INMT: variants seen among roughly 807,000 people sequenced by gnomAD.
The protein encoded by INMT is indolethylamine N-methyltransferase, also known as amine N-methyltransferase.
In INMT, 11 loss-of-function variants were observed where a neutral mutation model predicts 11.5. The observed-to-expected ratio is 0.95, with a 90% CI of 0.60 to 1.58. The LOEUF (loss-of-function observed/expected upper bound fraction) is 1.58. Ranked by LOEUF, INMT falls within the 40% of genes most tolerant of loss-of-function variation. The pLI, the probability that INMT is intolerant of heterozygous loss-of-function variation, is 0.00. For missense variants in INMT, 316 were observed against 336.1 expected (o/e 0.94, Z 0.47); for synonymous variants, 155 against 142.9 (o/e 1.08, Z -0.60).
At position 30,754,773 on chromosome 7, in the gene INMT, A is replaced by T. The variant is rs1427536473; in HGVS notation, c.363-649A>T. Reference sequence around the variant, plus strand: ...TGTGTGACTGACTATATAATGTATAATGACGTGAACTCACCACCCAACCTG... The same window carrying T: ...TGTGTGACTGACTATATAATGTATATTGACGTGAACTCACCACCCAACCTG... On this transcript the variant is annotated intron_variant, in intron 2 of 2. Coordinates refer to ENST00000013222, the MANE Select transcript of INMT (RefSeq NM_006774.5). The surrounding 1 kb of genome is among the most constrained non-coding windows in gnomAD (Gnocchi z 4.9). Among the ~76,000 whole-genome samples, 1 of 152,186 alleles carries T rather than the reference A, an allele frequency of 6.6e-6. No individual in the cohort carries two copies. Among genetic ancestry groups the T allele is most frequent in the East Asian group, 1.9e-4 (1 of 5,198 alleles).
chr7:30,757,399 G>A lies in INMT; in HGVS notation c.*1548G>A. The A allele has an allele frequency of 4.0e-6, 1 of 247,936 alleles. No individual in the cohort carries two copies. 15.4% of individuals were successfully genotyped at this position (247,936 alleles called of 1,614,324 possible). On this transcript the variant is annotated 3_prime_UTR_variant, in exon 3 of 3. Coordinates refer to ENST00000013222, the MANE Select transcript of INMT (RefSeq NM_006774.5). Reference sequence around the variant, plus strand: ...AGCTGTCCGTTTTGCAGATGGACAGGAAGGAGCCAGGACACAGCTCAGCTT... The same window carrying A: ...AGCTGTCCGTTTTGCAGATGGACAGAAAGGAGCCAGGACACAGCTCAGCTT...
At chr7:30,755,354 T>C in intron 2 of INMT, 68 bp from the exon 3 acceptor site, 1 of 1,373,242 alleles carries the variant, frequency 7.3e-7, no homozygotes, top group Non-Finnish European at 9.8e-7. Context: ...CATCTGCTGG[T>C]CACAGTGGAC....
Position 30,755,924 on chromosome 7 carries a change from A to G in INMT, c.*73A>G. On this transcript the variant is annotated 3_prime_UTR_variant, in exon 3 of 3. Coordinates refer to ENST00000013222, the MANE Select transcript of INMT (RefSeq NM_006774.5). ...ATCTGTATGCTAGAGAGGGGTGAGG[A>G]ATGGATACTGTCTAACAGTCTCTGA... 5 of 1,521,804 alleles carry G rather than the reference A, an allele frequency of 3.3e-6. No individual in the cohort carries two copies. The highest frequency in any genetic ancestry group is 1.8e-6 in the Non-Finnish European group (2 of 1,140,132). The allele number at this position is 1,521,804 out of a possible 1,614,324, so 94.3% of individuals were successfully genotyped here.
In INMT at chr7:30,754,044, A is replaced by C. The variant is rs1786162599; in HGVS notation, c.362+106A>C. On this transcript the variant is annotated intron_variant, in intron 2 of 2. Coordinates refer to ENST00000013222, the MANE Select transcript of INMT (RefSeq NM_006774.5). This position sits in a 1 kb window ranked among gnomAD's most constrained non-coding sequence, Gnocchi z 4.9. ...ACATTTTCAGGACAGTAGGACCTTC[A>C]GGTATAGGACCAGATGTCCTGTGGT... 2.6e-6 allele frequency: 3 copies of C among 1,135,996 alleles called. No individual in the cohort carries two copies. In the Admixed American group the frequency reaches 6.4e-5, roughly 24 times the overall value. 70.4% of individuals were successfully genotyped at this position (1,135,996 alleles called of 1,614,324 possible). A position where few individuals can be genotyped will look rare whatever the true frequency, so the allele number is the denominator to read the frequency against.
In INMT at chr7:30,754,581, A is replaced by G. The variant is rs887887153; in HGVS notation, c.362+643A>G. On this transcript the variant is annotated intron_variant, in intron 2 of 2. Coordinates refer to ENST00000013222, the MANE Select transcript of INMT (RefSeq NM_006774.5). This position sits in a 1 kb window ranked among gnomAD's most constrained non-coding sequence, Gnocchi z 4.9. ...CATCTATCCATCCATCCACCCATCC[A>G]TCCATATCCATCTATACATCCATCA... 1.3e-5 allele frequency among the ~76,000 whole-genome samples: 2 copies of G among 149,710 alleles called. No homozygotes were observed. Among genetic ancestry groups the G allele is most frequent in the Admixed American group, 1.3e-4 (2 of 15,078 alleles).
chr7:30,755,636 C>A lies in INMT; in HGVS notation c.577C>A (p.Leu193Met). Residue 193 changes from leucine (L) to methionine (M), a missense_variant, in exon 3 of 3, where the codon CTG (leucine) becomes ATG (methionine). Transcript: ENST00000013222. ...LASLLKPGGHLVTTVTLRLPS... is the reference protein window; with the variant it reads ...LASLLKPGGHMVTTVTLRLPS... ...CTCACTGCTCAAGCCGGGTGGCCAC[C>A]TGGTGACCACTGTCACGCTTCGGCT... The A allele has an allele frequency of 1.2e-6, 2 of 1,614,226 alleles. No individual in the cohort carries two copies. Among genetic ancestry groups the A allele is most frequent in the Non-Finnish European group, 1.7e-6 (2 of 1,180,038 alleles).
Position 30,757,404 on chromosome 7 carries a change from A to G in INMT, c.*1553A>G, listed in dbSNP as rs35773690. Reference sequence around the variant, plus strand: ...TCCGTTTTGCAGATGGACAGGAAGGAGCCAGGACACAGCTCAGCTTGCTCA... The same window carrying G: ...TCCGTTTTGCAGATGGACAGGAAGGGGCCAGGACACAGCTCAGCTTGCTCA... On this transcript the variant is annotated 3_prime_UTR_variant, in exon 3 of 3. Coordinates refer to ENST00000013222, the MANE Select transcript of INMT (RefSeq NM_006774.5). 1 of 245,116 alleles carries G rather than the reference A, an allele frequency of 4.1e-6. No individual in the cohort carries two copies. Among genetic ancestry groups the G allele is most frequent in the East Asian group, 1.5e-4 (1 of 6,580 alleles). The allele number at this position is 245,116 out of a possible 1,614,324, so 15.2% of individuals were successfully genotyped here. A position where few individuals can be genotyped will look rare whatever the true frequency, so the allele number is the denominator to read the frequency against.
intron 1 of INMT, 104 bp downstream of exon 1, chr7:30,752,408 T>G: frequency 3.1e-5 from 28 of 917,976 alleles, no homozygotes; most frequent in African/African-American, 3.3e-5. Context: ...TAGGGGTTTT[T>G]GGGGATGGGC....
Position 30,752,156 on chromosome 7 carries a change from G to A in INMT, c.6G>A (p.Lys2=). The A allele has an allele frequency of 3.7e-6, 6 of 1,613,966 alleles. No individual in the cohort carries two copies. The highest frequency in any genetic ancestry group is 5.1e-6 in the Non-Finnish European group (6 of 1,179,898). M[K]GGFTGGDEYQ... is the part of the protein sequence containing the mutation. ...GGGCACATTTCAGGGACACCATGAA[G>A]GGTGGCTTCACTGGGGGTGATGAGT... Residue 2 remains lysine (K), a synonymous_variant, in exon 1 of 3, where the codon AAG becomes AAA. Coordinates refer to ENST00000013222, the MANE Select transcript of INMT (RefSeq NM_006774.5).
At position 30,756,657 on chromosome 7, in the gene INMT, T is replaced by A. The variant is rs7787251; in HGVS notation, c.*806T>A. On this transcript the variant is annotated 3_prime_UTR_variant, in exon 3 of 3. Coordinates refer to ENST00000013222, the MANE Select transcript of INMT (RefSeq NM_006774.5). ...TCCTGACCTGGTGATCCACCCACCT[T>A]GGCCTCCCAAAGTGCTGGGATTACA... 3 of 152,114 alleles carry A rather than the reference T, an allele frequency of 2.0e-5. No individual in the cohort carries two copies. The South Asian group carries it at 6.2e-4, about 32-fold the overall frequency. 9.4% of individuals were successfully genotyped at this position (152,114 alleles called of 1,614,324 possible). A position where few individuals can be genotyped will look rare whatever the true frequency, so the allele number is the denominator to read the frequency against.
rs199553396 is a variant in INMT at position 30,753,750 on chromosome 7, G to A, written c.174G>A (p.Thr58=). ...CCACAGGAGGCCTCCAAGGGGACAC[G>A]CTGATTGACATTGGCTCAGGTCCTA... ...TFGPGGLQGD[T]LIDIGSGPTI... Residue 58 remains threonine (T), a synonymous_variant, in exon 2 of 3, where the codon ACG becomes ACA. Transcript: ENST00000013222. The A allele has an allele frequency of 5.6e-5, 91 of 1,613,994 alleles. No individual in the cohort carries two copies. Among genetic ancestry groups the A allele is most frequent in the South Asian group, 2.0e-4 (18 of 91,078 alleles).
In INMT at chr7:30,755,482, C is replaced by T. The variant is rs954809950; in HGVS notation, c.423C>T (p.Cys141=). Residue 141 remains cysteine, a synonymous_variant, in exon 3 of 3, where the codon TGC becomes TGT. Coordinates refer to ENST00000013222, the MANE Select transcript of INMT (RefSeq NM_006774.5). ...CAGCGGTGAAGCGGGTGCTCAAGTG[C>T]GATGTCCACCTGGGCAACCCGCTGG... ...LRAAVKRVLK[C]DVHLGNPLAP... is the part of the protein sequence containing the mutation. The T allele has an allele frequency of 1.9e-6, 3 of 1,602,484 alleles. No individual in the cohort carries two copies. The highest frequency in any genetic ancestry group is 1.3e-5 in the African/African-American group (1 of 75,050).
chr7:30,755,680 G>A lies in INMT; in HGVS notation c.621G>A (p.Gly207=). The A allele has an allele frequency of 1.2e-6, 2 of 1,614,246 alleles. No homozygotes were observed. Among genetic ancestry groups the A allele is most frequent in the Non-Finnish European group, 1.7e-6 (2 of 1,180,030 alleles). ...VTLRLPSYMV[G]KREFSCVALE... The stretch of plus-strand genomic sequence containing the variant: ...TTCGGCTCCCGTCCTACATGGTGGG[G>A]AAGCGTGAATTTTCCTGCGTGGCCC... The change falls in exon 3 of 3, where the codon GGG becomes GGA. Residue 207 remains glycine (G), a synonymous_variant. Coordinates refer to ENST00000013222, the MANE Select transcript of INMT (RefSeq NM_006774.5).
rs578187274 is a variant in INMT, at chr7:30,756,321, T to C, written c.*470T>C. The stretch of plus-strand genomic sequence containing the variant: ...CACGATCTCGGCTCACTGCAAGCTC[T>C]GCGTCCTGGGTTGACGCCATTCTCC... On this transcript the variant is annotated 3_prime_UTR_variant, in exon 3 of 3. Coordinates refer to ENST00000013222, the MANE Select transcript of INMT (RefSeq NM_006774.5). 679 of 681,386 alleles carry C rather than the reference T, an allele frequency of 1.0e-3. 4 individuals are homozygous for C. In the African/African-American group the frequency reaches 0.013, roughly 13 times the overall value. 42.2% of individuals were successfully genotyped at this position (681,386 alleles called of 1,614,324 possible). A position where few individuals can be genotyped will look rare whatever the true frequency, so the allele number is the denominator to read the frequency against.
In INMT at chr7:30,756,041, C is replaced by A. The variant is rs1786234382; in HGVS notation, c.*190C>A. ...TTTCCAACATTCCTCATTCTAGGAT[C>A]CTAGGAGTGGAATTTTCCATTTTCT... On this transcript the variant is annotated 3_prime_UTR_variant, in exon 3 of 3. Transcript: ENST00000013222. The A allele has an allele frequency of 7.1e-7, 1 of 1,406,042 alleles. No individual in the cohort carries two copies. Among genetic ancestry groups the A allele is most frequent in the Admixed American group, 2.9e-5 (1 of 34,132 alleles). The allele number at this position is 1,406,042 out of a possible 1,614,324, so 87.1% of individuals were successfully genotyped here.
rs1786164712 is a variant in INMT at position 30,754,162 on chromosome 7, TCAAGTATG to T, written c.362+225_362+232del. On this transcript the variant is annotated intron_variant, in intron 2 of 2. Coordinates refer to ENST00000013222, the MANE Select transcript of INMT (RefSeq NM_006774.5). The surrounding 1 kb of genome is among the most constrained non-coding windows in gnomAD (Gnocchi z 4.9). ...AGGACTATGTTGAGGTGTGATATAG[TCAAGTATG>T]AACACTGAAAACCAGATGATTTTCA... 6.6e-6 allele frequency among the ~76,000 whole-genome samples: 1 copy of T among 152,214 alleles called. No homozygotes were observed. The highest frequency in any genetic ancestry group is 2.4e-5 in the African/African-American group (1 of 41,440).
chr7:30,755,685 G>A lies in INMT; in HGVS notation c.626G>A (p.Arg209His), dbSNP rs1473024059. ...LRLPSYMVGK[R>H]EFSCVALEKE... ...CTCCCGTCCTACATGGTGGGGAAGCGTGAATTTTCCTGCGTGGCCCTGGAG... is the reference window on the plus strand; with the variant it reads ...CTCCCGTCCTACATGGTGGGGAAGCATGAATTTTCCTGCGTGGCCCTGGAG... The change falls in exon 3 of 3, where the codon CGT becomes CAT. Residue 209 changes from arginine to histidine, a missense_variant. Arg to His is a conservative substitution (Grantham distance 29, BLOSUM62 0). Transcript: ENST00000013222. 21 of 1,614,102 alleles carry A rather than the reference G, an allele frequency of 1.3e-5. No homozygotes were observed. The highest frequency in any genetic ancestry group is 6.7e-5 in the Admixed American group (4 of 60,012).
At position 30,756,074 on chromosome 7, in the gene INMT, T is replaced by G; in HGVS notation, c.*223T>G. The G allele has an allele frequency of 7.3e-7, 1 of 1,373,764 alleles. No homozygotes were observed. Among genetic ancestry groups the G allele is most frequent in the Non-Finnish European group, 9.4e-7 (1 of 1,064,960 alleles). The allele number at this position is 1,373,764 out of a possible 1,614,324, so 85.1% of individuals were successfully genotyped here. On this transcript the variant is annotated 3_prime_UTR_variant, in exon 3 of 3. Transcript: ENST00000013222. ...TGGAATTTTCCATTTTCTAATATAC[T>G]AAGCCTTACAGCTATCTTAGATGCG...
chr7:30,755,648 G>A lies in INMT; in HGVS notation c.589G>A (p.Val197Ile). Residue 197 changes from valine (V) to isoleucine (I), a missense_variant, in exon 3 of 3, where the codon GTC becomes ATC. Val to Ile is a conservative substitution (Grantham distance 29). Coordinates refer to ENST00000013222, the MANE Select transcript of INMT (RefSeq NM_006774.5). ...GCCGGGTGGCCACCTGGTGACCACT[G>A]TCACGCTTCGGCTCCCGTCCTACAT... ...LKPGGHLVTT[V>I]TLRLPSYMVG... 6.2e-7 allele frequency: 1 copy of A among 1,614,226 alleles called. No homozygotes were observed. Among genetic ancestry groups the A allele is most frequent in the South Asian group, 1.1e-5 (1 of 91,086 alleles).
Sources: allele counts gnomAD v4.1 joint callset (sites outside exome capture counted in the v4.1 genomes callset), GRCh38; gene constraint gnomAD v4.1.1; non-coding constraint Gnocchi (gnomAD v3.1); transcripts MANE v1.5; gene names NCBI Gene and HGNC (gene_info 2026-07-23, HGNC 2026-07-21).